AKAP6: variants seen among roughly 807,000 people sequenced by gnomAD.
AKAP6 encodes A-kinase anchor protein 6.
AKAP6 carries 58 observed loss-of-function variants against 188.5 expected under a neutral mutation model. That is an observed-to-expected ratio of 0.31 (90% CI 0.25 to 0.38). The LOEUF is 0.38. AKAP6 is among the 10% of genes least tolerant of loss of function. The probability of loss-of-function intolerance (pLI) is 1.00; values close to 1 mark genes in which losing one functional copy is unlikely to be tolerated. For missense variants in AKAP6, 2,710 were observed against 2,740.0 expected (o/e 0.99, Z 0.24); for synonymous variants, 989 against 998.6 (o/e 0.99, Z 0.18).
chr14:32,684,948 A>G (rs1889842814), intron 8 of AKAP6, among the ~76,000 whole-genome samples: 1 of 152,158 alleles, frequency 6.6e-6, no homozygotes, highest in African/African-American at 2.4e-5. Context: ...AGACATTTAG[A>G]TACATCCTTA....
intron 11 of AKAP6, 142 bp from the exon 12 acceptor site, chr14:32,773,536 G>C: frequency 2.6e-6 from 2 of 771,234 alleles, no homozygotes; most frequent in South Asian, 3.6e-5. Flanking sequence ...CATTCTAAAA[G>C]GGACATCAGA....
At chr14:32,333,006 A>G (rs1281802480) in intron 1 of AKAP6, among the ~76,000 whole-genome samples, 1 of 152,130 alleles carries the variant, frequency 6.6e-6, no homozygotes. Flanking sequence ...GGGCTAATGC[A>G]CACACTGACA....
intron 2 of AKAP6, among the ~76,000 whole-genome samples, chr14:32,496,292 T>C (rs1880309802): frequency 6.6e-6 from 1 of 152,218 alleles, no homozygotes; most frequent in Non-Finnish European, 1.5e-5. Flanking sequence ...CTTTTTTGCA[T>C]GTCAGGTTCT....
At chr14:32,561,977 C>A (rs1566576806) in intron 4 of AKAP6, among the ~76,000 whole-genome samples, 1 of 152,182 alleles carries the variant, frequency 6.6e-6, no homozygotes, top group Non-Finnish European at 1.5e-5. Context: ...CTCATGATGT[C>A]AGGCCCTGTC....
intron 3 of AKAP6, among the ~76,000 whole-genome samples, chr14:32,544,646 TG>T (rs1312516536): frequency 6.6e-6 from 1 of 152,096 alleles, no homozygotes; most frequent in Non-Finnish European, 1.5e-5. Flanking sequence ...TTCAAAAGGG[TG>T]GGGCCAAACA....
intron 10 of AKAP6, chr14:32,733,832 AT>A (rs1373598197): frequency 6.6e-6 from 1 of 152,124 alleles, no homozygotes; most frequent in Non-Finnish European, 1.5e-5. Flanking sequence ...AGTGTATGAC[AT>A]TTTAAAAGGT....
chr14:32,833,522 C>A lies in AKAP6; in HGVS notation c.*3717C>A, dbSNP rs1390847943. The A allele has an allele frequency of 6.6e-6, 1 of 152,146 alleles. No individual in the cohort carries two copies. Among genetic ancestry groups the A allele is most frequent in the African/African-American group, 2.4e-5 (1 of 41,422 alleles). 9.4% of individuals were successfully genotyped at this position (152,146 alleles called of 1,614,324 possible). On this transcript the variant is annotated 3_prime_UTR_variant, in exon 14 of 14. Transcript: ENST00000280979. ...GATTTCTGGTCACTGAATAAATATG[C>A]ATCTTATACAACACAGAACAACCTA...
chr14:32,393,669 T>C (rs1033215107), intron 1 of AKAP6, among the ~76,000 whole-genome samples: 4 of 152,054 alleles, frequency 2.6e-5, no homozygotes, highest in African/African-American at 9.7e-5. Flanking sequence ...TAACTCAAAA[T>C]GAAAAGTTAA....
At chr14:32,397,922 C>T (rs1888933662) in intron 1 of AKAP6, among the ~76,000 whole-genome samples, 1 of 152,152 alleles carries the variant, frequency 6.6e-6, no homozygotes, top group South Asian at 2.1e-4. Flanking sequence ...CCTGTCATCA[C>T]CTGTCTCTTT....
chr14:32,335,067 C>G (rs1004653078), intron 1 of AKAP6, among the ~76,000 whole-genome samples: 1 of 152,186 alleles, frequency 6.6e-6, no homozygotes, highest in Non-Finnish European at 1.5e-5. Context: ...CCTCCCACTT[C>G]AGCCTCCCAA....
Position 32,355,762 on chromosome 14 carries a change from ATTTCT to A in AKAP6, c.-35+26373_-35+26377del, listed in dbSNP as rs757178247. Reference sequence around the variant, plus strand: ...TCTGTTGGTGATCACAGGTATTGTGATTTCTTTTCTTTTCTTTTCTTTTTTTTTTT... The same window carrying A: ...TCTGTTGGTGATCACAGGTATTGTGATTTCTTTTCTTTTCTTTTTTTTTTT... On this transcript the variant is annotated intron_variant, in intron 1 of 13. Transcript: ENST00000280979. Among the ~76,000 whole-genome samples, 176 of 150,836 alleles carry A rather than the reference ATTTCT, an allele frequency of 1.2e-3. 1 individual carries two copies. Among genetic ancestry groups the A allele is most frequent in the Non-Finnish European group, 1.5e-3 (99 of 67,808 alleles).
chr14:32,720,605 T>C (rs781009636), intron 9 of AKAP6, among the ~76,000 whole-genome samples: 8 of 152,226 alleles, frequency 5.3e-5, no homozygotes, highest in Non-Finnish European at 8.8e-5. Flanking sequence ...GTGTTTTCTT[T>C]TGTTATGTTT....
At chr14:32,531,238 A>G (rs749028918) in intron 2 of AKAP6, among the ~76,000 whole-genome samples, 1 of 152,166 alleles carries the variant, frequency 6.6e-6, no homozygotes, top group Non-Finnish European at 1.5e-5. Flanking sequence ...AACTTTTAAG[A>G]TATTGTTAAC....
intron 8 of AKAP6, among the ~76,000 whole-genome samples, chr14:32,687,979 C>A (rs2037761192): frequency 1.3e-5 from 2 of 152,040 alleles, no homozygotes; most frequent in Non-Finnish European, 2.9e-5. Context: ...CGATTGTAGA[C>A]CTAGACTTCG....
At chr14:32,695,135 A>G (rs1890350879) in intron 8 of AKAP6, among the ~76,000 whole-genome samples, 1 of 152,208 alleles carries the variant, frequency 6.6e-6, no homozygotes, top group African/African-American at 2.4e-5. Context: ...TATTTTGTTG[A>G]AAACCATAGT....
At chr14:32,610,193 C>T (rs1342667882) in intron 7 of AKAP6, among the ~76,000 whole-genome samples, 4 of 152,044 alleles carry the variant, frequency 2.6e-5, no homozygotes, top group South Asian at 2.1e-4. Flanking sequence ...AGGTTCCAAA[C>T]GGAGTAGATA....
chr14:32,529,108 C>T (rs1021553558), intron 2 of AKAP6, among the ~76,000 whole-genome samples: 1 of 152,192 alleles, frequency 6.6e-6, no homozygotes, highest in Admixed American at 6.5e-5. Flanking sequence ...TATCCAGAAA[C>T]ATGGAATACC....
At chr14:32,772,119 C>A (rs1027783261) in intron 11 of AKAP6, among the ~76,000 whole-genome samples, 1 of 151,818 alleles carries the variant, frequency 6.6e-6, no homozygotes, top group African/African-American at 2.4e-5. Flanking sequence ...AGAACATGCA[C>A]GTGGGGTTGA....
At position 32,580,662 on chromosome 14, in the gene AKAP6, C is replaced by A. The variant is rs1215656911; in HGVS notation, c.2469+3420C>A. 2.0e-5 allele frequency among the ~76,000 whole-genome samples: 3 copies of A among 152,206 alleles called. No homozygotes were observed. The East Asian group carries it at 5.8e-4, about 29-fold the overall frequency. On this transcript the variant is annotated intron_variant, in intron 5 of 13. Coordinates refer to ENST00000280979, the MANE Select transcript of AKAP6 (RefSeq NM_004274.5). ...TGGCATGCTGCACCCATTAACTTGT[C>A]ATTTAGCATTAGGTATATCTCCTAA...
Sources: gnomAD v4.1 joint callset for allele counts (sites outside exome capture counted in the v4.1 genomes callset) on GRCh38, gnomAD v4.1.1 for gene constraint, MANE v1.5 for transcripts, NCBI Gene and HGNC (gene_info 2026-07-23, HGNC 2026-07-21) for gene names.